LRP1B: variants seen among roughly 807,000 people sequenced by gnomAD.
LRP1B encodes the protein LDL receptor related protein 1B.
A neutral mutation model predicts 556.6 loss-of-function variants in LRP1B; 217 were observed. That is an observed-to-expected ratio of 0.39 (90% CI 0.35 to 0.44). The LOEUF (loss-of-function observed/expected upper bound fraction) is 0.44, where lower values mean the gene tolerates loss of function less well. Among genes scored for constraint, LRP1B ranks in the 20% least tolerant of loss-of-function variants. LRP1B has a pLI of 1.00. For synonymous variants in LRP1B, 2,047 were observed against 1,865.8 expected (o/e 1.10, Z -2.50); for missense variants, 5,053 against 5,620.8 (o/e 0.90, Z 3.23).
At position 140,871,382 on chromosome 2, in the gene LRP1B, TCA is replaced by T. The variant is rs1396517358; in HGVS notation, c.4170-3121_4170-3120del. On this transcript the variant is annotated intron_variant, in intron 25 of 90. Coordinates refer to ENST00000389484, the MANE Select transcript of LRP1B (RefSeq NM_018557.3). ...ATAAATATTTTTTAAAGGAAAATTT[TCA>T]CAGTCTTGCTAACTGTTAAGGAAAC... 9.9e-5 allele frequency among the ~76,000 whole-genome samples: 15 copies of T among 152,226 alleles called. No homozygotes were observed. The South Asian group carries it at 2.9e-3, about 29-fold the overall frequency.
intron 3 of LRP1B, among the ~76,000 whole-genome samples, chr2:141,402,533 A>T (rs1401230026): frequency 6.6e-6 from 1 of 152,138 alleles, no homozygotes; most frequent in Non-Finnish European, 1.5e-5. Flanking sequence ...GAGGTAAAAA[A>T]AAATCTCAAA....
intron 3 of LRP1B, among the ~76,000 whole-genome samples, chr2:141,396,686 T>G (rs1690247957): frequency 6.6e-6 from 1 of 152,154 alleles, no homozygotes; most frequent in Non-Finnish European, 1.5e-5. Context: ...ATCTGATAAA[T>G]TCTGGATAGG....
chr2:140,873,288 T>C (rs1274522500), intron 25 of LRP1B, among the ~76,000 whole-genome samples: 1 of 152,108 alleles, frequency 6.6e-6, no homozygotes, highest in East Asian at 1.9e-4. Context: ...TGATCTTTAA[T>C]AAATAAGACA....
At chr2:140,650,340 T>G (rs951543294) in intron 41 of LRP1B, among the ~76,000 whole-genome samples, 1 of 148,670 alleles carries the variant, frequency 6.7e-6, no homozygotes, top group Non-Finnish European at 1.5e-5. Context: ...TTTATTTATT[T>G]ATTTATTTAT....
At chr2:140,606,480 G>T (rs983037915) in intron 41 of LRP1B, among the ~76,000 whole-genome samples, 6 of 151,916 alleles carry the variant, frequency 3.9e-5, no homozygotes, top group African/African-American at 1.4e-4. Context: ...AGAAATCCCA[G>T]CTGGCTTCTT....
intron 1 of LRP1B, among the ~76,000 whole-genome samples, chr2:142,069,552 T>A (rs1010467321): frequency 2.2e-4 from 34 of 151,636 alleles, no homozygotes; most frequent in African/African-American, 7.7e-4. Flanking sequence ...TCACTTAATC[T>A]TTTACTCAAG....
chr2:142,115,526 T>TA (rs1553518926), intron 1 of LRP1B, among the ~76,000 whole-genome samples: 2 of 50,550 alleles, frequency 4.0e-5, no homozygotes, highest in African/African-American at 1.1e-4. Context: ...ACATATATAA[T>TA]ATATATATTA....
At chr2:141,984,016 G>A (rs111404783) in intron 1 of LRP1B, among the ~76,000 whole-genome samples, 7 of 152,130 alleles carry the variant, frequency 4.6e-5, no homozygotes, top group African/African-American at 9.6e-5. Context: ...AACCAAGATC[G>A]TACCATTGCA....
chr2:141,407,647 G>A (rs1573910407), intron 3 of LRP1B, among the ~76,000 whole-genome samples: 1 of 152,122 alleles, frequency 6.6e-6, no homozygotes, highest in East Asian at 1.9e-4. Flanking sequence ...CTTTCACCAT[G>A]TGGCATGCTT....
At chr2:140,256,022 A>G (rs779558334) in intron 86 of LRP1B, among the ~76,000 whole-genome samples, 1 of 152,184 alleles carries the variant, frequency 6.6e-6, no homozygotes, top group African/African-American at 2.4e-5. Context: ...CCAGGATAAC[A>G]AAAATTTAAT....
At chr2:141,989,909 G>A (rs778478687) in intron 1 of LRP1B, among the ~76,000 whole-genome samples, 17 of 152,078 alleles carry the variant, frequency 1.1e-4, no homozygotes, top group Non-Finnish European at 2.1e-4. Context: ...AGACCAATAC[G>A]GTCTTCATAC....
intron 1 of LRP1B, among the ~76,000 whole-genome samples, chr2:141,996,996 G>A (rs944440295): frequency 3.3e-5 from 5 of 152,130 alleles, no homozygotes; most frequent in African/African-American, 1.2e-4. Context: ...GTAGAAGTGG[G>A]AGACAGTGAT....
chr2:141,228,587 G>GTT (rs1331264685), intron 6 of LRP1B, among the ~76,000 whole-genome samples: 1 of 140,010 alleles, frequency 7.1e-6, no homozygotes, highest in South Asian at 2.1e-4. Flanking sequence ...GTATGAGTGT[G>GTT]TGTGTGTGTG....
intron 86 of LRP1B, among the ~76,000 whole-genome samples, chr2:140,257,226 A>G (rs967215883): frequency 2.0e-5 from 3 of 152,314 alleles, no homozygotes; most frequent in East Asian, 3.9e-4. Context: ...CATAAAATAA[A>G]CCTTTGTTGT....
At position 141,603,979 on chromosome 2, in the gene LRP1B, G is replaced by A. The variant is rs978680241; in HGVS notation, c.206-123446C>T. On this transcript the variant is annotated intron_variant, in intron 2 of 90. Coordinates refer to ENST00000389484, the MANE Select transcript of LRP1B (RefSeq NM_018557.3). The stretch of plus-strand genomic sequence containing the variant: ...AGGAGTCTGGCTAGATTCCAGGGAT[G>A]CAATTGCATTAAATCTTCCTAATTC... 5.3e-5 allele frequency among the ~76,000 whole-genome samples: 8 copies of A among 152,150 alleles called. No homozygotes were observed. The East Asian group carries it at 5.8e-4, about 11-fold the overall frequency.
At chr2:140,266,154 T>A (rs10469558) in intron 86 of LRP1B, among the ~76,000 whole-genome samples, 50,042 of 151,716 alleles carry the variant, frequency 0.33, 8,719 homozygotes, top group African/African-American at 0.43. Flanking sequence ...TTTTGTTTAA[T>A]TCATAACCAA....
intron 2 of LRP1B, among the ~76,000 whole-genome samples, chr2:141,670,073 C>A (rs1690605142): frequency 6.6e-6 from 1 of 152,092 alleles, no homozygotes; most frequent in Non-Finnish European, 1.5e-5. Flanking sequence ...TGTTGAGCAG[C>A]ATTAATAAAC....
At chr2:140,511,290 G>GTTTTTTTTTTT (rs1178038693) in intron 51 of LRP1B, among the ~76,000 whole-genome samples, 2 of 82,620 alleles carry the variant, frequency 2.4e-5, no homozygotes, top group African/African-American at 5.8e-5. Context: ...TCCTCTAAGG[G>GTTTTTTTTTTT]TCTTTTTTTT....
At chr2:140,482,557 C>T (rs1424674842) in intron 59 of LRP1B, among the ~76,000 whole-genome samples, 1 of 151,706 alleles carries the variant, frequency 6.6e-6, no homozygotes. Flanking sequence ...TAACAAGAAG[C>T]TTAAGATAAA....
Sources: allele counts gnomAD v4.1 joint callset (sites outside exome capture counted in the v4.1 genomes callset), GRCh38; gene constraint gnomAD v4.1.1; transcripts MANE v1.5; gene names NCBI Gene and HGNC (gene_info 2026-07-23, HGNC 2026-07-21).